The following SRFBP1 variants were observed in gnomAD, a reference collection of about 807,000 sequenced individuals.
The protein encoded by SRFBP1 is serum response factor-binding protein 1.
In SRFBP1, 47 loss-of-function variants were observed where a neutral mutation model predicts 45.5. That is an observed-to-expected ratio of 1.03 (90% CI 0.82 to 1.32). The LOEUF (loss-of-function observed/expected upper bound fraction) is 1.32. Among genes scored for constraint, SRFBP1 ranks in the 40% most tolerant of loss-of-function variants. The probability of loss-of-function intolerance (pLI) is 0.00; values close to 1 mark genes in which losing one functional copy is unlikely to be tolerated. For missense variants in SRFBP1, 621 were observed against 484.6 expected (o/e 1.28, Z -2.64); for synonymous variants, 203 against 166.3 (o/e 1.22, Z -1.70).
chr5:122,055,748 T>C (rs1435672392), intron 2 of SRFBP1, among the ~76,000 whole-genome samples: 1 of 152,178 alleles, frequency 6.6e-6, no homozygotes, highest in Non-Finnish European at 1.5e-5. Flanking sequence ...GCAAATATTG[T>C]ATTTAATGGC....
At position 122,027,129 on chromosome 5, in the gene SRFBP1, A is replaced by G; in HGVS notation, c.*3A>G. 6.3e-7 allele frequency: 1 copy of G among 1,588,204 alleles called. No individual in the cohort carries two copies. Among genetic ancestry groups the G allele is most frequent in the Non-Finnish European group, 8.5e-7 (1 of 1,170,728 alleles). On this transcript the variant is annotated 3_prime_UTR_variant, in exon 8 of 8. Coordinates refer to ENST00000339397, the MANE Select transcript of SRFBP1 (RefSeq NM_152546.3). The stretch of plus-strand genomic sequence containing the variant: ...AAAAAATTACGTTTGATGATTGATT[A>G]GTGCCTCTTTCTGCAAACTTTTCCA...
intron 3 of SRFBP1, among the ~76,000 whole-genome samples, chr5:121,976,565 C>T (rs1052135731): frequency 6.6e-6 from 1 of 151,678 alleles, no homozygotes; most frequent in Non-Finnish European, 1.5e-5. Flanking sequence ...TTATCTCTTT[C>T]ACTTTCTCTT....
intron 4 of SRFBP1, among the ~76,000 whole-genome samples, chr5:122,015,877 A>G (rs1753185054): frequency 6.6e-6 from 1 of 152,160 alleles, no homozygotes; most frequent in African/African-American, 2.4e-5. Context: ...GTAAAGATTT[A>G]GATCTCTTTT....
chr5:122,072,390 C>G (rs925227818), intron 2 of SRFBP1, among the ~76,000 whole-genome samples: 6 of 152,156 alleles, frequency 3.9e-5, no homozygotes, highest in Non-Finnish European at 8.8e-5. Context: ...CTCTCTAAAT[C>G]AGCAATTTGA....
intron 3 of SRFBP1, among the ~76,000 whole-genome samples, chr5:121,993,746 G>A (rs143293509): frequency 2.0e-5 from 3 of 152,160 alleles, no homozygotes; most frequent in East Asian, 3.9e-4. Flanking sequence ...GTTTTGATAT[G>A]TAGCATTTTC....
At chr5:121,991,053 C>G (rs1229162738) in intron 3 of SRFBP1, among the ~76,000 whole-genome samples, 1 of 152,078 alleles carries the variant, frequency 6.6e-6, no homozygotes, top group Non-Finnish European at 1.5e-5. Context: ...GATGTATTGT[C>G]AGGTAAGGGA....
chr5:122,017,761 A>T (rs543571915), intron 4 of SRFBP1, among the ~76,000 whole-genome samples: 7 of 152,314 alleles, frequency 4.6e-5, no homozygotes, highest in Non-Finnish European at 8.8e-5. Flanking sequence ...GTATTCGTAC[A>T]TTTATAATAC....
chr5:121,975,567 T>C (rs943171352), intron 3 of SRFBP1, among the ~76,000 whole-genome samples, 180 bp downstream of exon 3: 13 of 151,960 alleles, frequency 8.6e-5, no homozygotes, highest in African/African-American at 3.1e-4. Context: ...AAGCTTGCAT[T>C]TTTCTGTTTT....
At chr5:122,049,633 A>G (rs553363412) in intron 2 of SRFBP1, among the ~76,000 whole-genome samples, 1 of 152,130 alleles carries the variant, frequency 6.6e-6, no homozygotes, top group Non-Finnish European at 1.5e-5. Flanking sequence ...GAAGTAAAGC[A>G]CTCCCCAGCA....
intron 4 of SRFBP1, among the ~76,000 whole-genome samples, chr5:122,000,722 T>G (rs1487338081): frequency 6.6e-6 from 1 of 152,166 alleles, no homozygotes; most frequent in Non-Finnish European, 1.5e-5. Flanking sequence ...TGGTTCAGTG[T>G]GAATTTGCTA....
intron 2 of SRFBP1, among the ~76,000 whole-genome samples, chr5:122,071,493 T>A (rs531350835): frequency 1.3e-5 from 2 of 152,270 alleles, no homozygotes; most frequent in South Asian, 4.1e-4. Flanking sequence ...CTCCACTTGC[T>A]AAAATATTCA....
chr5:122,077,392 CCTGCCCCCAGGT>C, downstream of SRFBP1: 1 of 1,613,974 alleles, frequency 6.2e-7, no homozygotes, highest in African/African-American at 1.3e-5. This position sits in a 1 kb window ranked among gnomAD's most constrained non-coding sequence, Gnocchi z 4.9. Context: ...CGGGCCGGTA[CCTGCCCCCAGGT>C]CTGGGCCTTT....
chr5:121,995,070 CT>C (rs1317428726), intron 4 of SRFBP1, among the ~76,000 whole-genome samples: 1 of 151,494 alleles, frequency 6.6e-6, no homozygotes, highest in South Asian at 2.1e-4. Context: ...TAATGGGAGA[CT>C]TTAACACCCC....
In SRFBP1 at chr5:122,027,176, T is replaced by A; in HGVS notation, c.*50T>A. 6.8e-7 allele frequency: 1 copy of A among 1,460,056 alleles called. No individual in the cohort carries two copies. Among genetic ancestry groups the A allele is most frequent in the Non-Finnish European group, 9.4e-7 (1 of 1,067,894 alleles). 90.4% of individuals were successfully genotyped at this position (1,460,056 alleles called of 1,614,324 possible). ...TCCATCTAAAAAAAAAAATGTTTTT[T>A]TTAAGACAGGATCTCATTCTGTTGC... is the stretch of plus-strand genomic sequence containing the variant. On this transcript the variant is annotated 3_prime_UTR_variant, in exon 8 of 8. Transcript: ENST00000339397.
intron 2 of SRFBP1, among the ~76,000 whole-genome samples, chr5:121,975,080 CATT>C (rs1416486945): frequency 3.9e-5 from 6 of 151,906 alleles, no homozygotes; most frequent in African/African-American, 1.4e-4. Context: ...AAGTAATAGT[CATT>C]AATACAATGG....
chr5:122,072,464 C>T (rs905393473), intron 2 of SRFBP1, among the ~76,000 whole-genome samples: 13 of 152,150 alleles, frequency 8.5e-5, no homozygotes, highest in African/African-American at 2.2e-4. Context: ...GTTTTAGTTT[C>T]GTATATATTT....
chr5:121,988,348 T>C (rs1752557012), intron 3 of SRFBP1, among the ~76,000 whole-genome samples: 1 of 152,172 alleles, frequency 6.6e-6, no homozygotes, highest in Admixed American at 6.5e-5. Flanking sequence ...TCTTGAGCCT[T>C]GATGATTCTC....
At chr5:122,070,405 A>T in intron 2 of SRFBP1, 1 of 732,820 alleles carries the variant, frequency 1.4e-6, no homozygotes, top group Non-Finnish European at 2.4e-6. Flanking sequence ...AATTGCTTCC[A>T]ATACCATGAT....
intron 4 of SRFBP1, among the ~76,000 whole-genome samples, chr5:122,010,168 C>G (rs1253366519): frequency 6.6e-6 from 1 of 152,036 alleles, no homozygotes; most frequent in Non-Finnish European, 1.5e-5. Context: ...TTATTAACTC[C>G]CTATGGCTTT....
Sources: gnomAD v4.1 joint callset for allele counts (sites outside exome capture counted in the v4.1 genomes callset) on GRCh38, gnomAD v4.1.1 for gene constraint, Gnocchi (gnomAD v3.1) non-coding constraint, MANE v1.5 for transcripts, NCBI Gene and HGNC (gene_info 2026-07-23, HGNC 2026-07-21) for gene names.